Variants in TMEM117 observed in about 807,000 individuals in gnomAD.
TMEM117 encodes transmembrane protein 117.
Under a neutral mutation model 52.4 loss-of-function variants are expected in TMEM117, and 27 were observed. That is an observed-to-expected ratio of 0.51 (90% CI 0.38 to 0.71). The LOEUF (loss-of-function observed/expected upper bound fraction) is 0.71, where lower values mean the gene tolerates loss of function less well. TMEM117 is among the 30% of genes least tolerant of loss of function. The probability of loss-of-function intolerance (pLI) is 0.00; values close to 1 mark genes in which losing one functional copy is unlikely to be tolerated. For synonymous variants in TMEM117, 215 were observed against 206.3 expected (o/e 1.04, Z -0.36); for missense variants, 556 against 630.5 (o/e 0.88, Z 1.26).
rs372684628 is a variant in TMEM117 at position 44,191,485 on chromosome 12, A to G, written c.511-19805A>G. Among the ~76,000 whole-genome samples the G allele has an allele frequency of 3.9e-5, 6 of 152,222 alleles. No homozygotes were observed. The East Asian group carries it at 7.7e-4, about 20-fold the overall frequency. Reference sequence around the variant, plus strand: ...AGAATCTAAAGAATTTTAGATCTTAAAGGGTATCTGGTCTCAATAAGTTTT... The same window carrying G: ...AGAATCTAAAGAATTTTAGATCTTAGAGGGTATCTGGTCTCAATAAGTTTT... On this transcript the variant is annotated intron_variant, in intron 4 of 7. Coordinates refer to ENST00000266534, the MANE Select transcript of TMEM117 (RefSeq NM_032256.3).
At chr12:44,289,057 T>A (rs1279798175) in intron 5 of TMEM117, among the ~76,000 whole-genome samples, 1 of 152,224 alleles carries the variant, frequency 6.6e-6, no homozygotes, top group Non-Finnish European at 1.5e-5. Flanking sequence ...TCTTCTACTC[T>A]TTGCTTCTAT....
At chr12:44,317,665 A>ATAG (rs1951075001) in intron 6 of TMEM117, among the ~76,000 whole-genome samples, 2 of 152,144 alleles carry the variant, frequency 1.3e-5, no homozygotes, top group South Asian at 4.1e-4. Flanking sequence ...CTTTGCTTCT[A>ATAG]TAGCCCTATG....
chr12:44,019,175 G>A (rs557323080), intron 3 of TMEM117, among the ~76,000 whole-genome samples: 67 of 151,686 alleles, frequency 4.4e-4, no homozygotes, highest in African/African-American at 1.5e-3. Flanking sequence ...TCTGGGGTGG[G>A]GCTTTATGAT....
intron 3 of TMEM117, among the ~76,000 whole-genome samples, chr12:44,038,400 G>A (rs962262243): frequency 6.6e-6 from 1 of 152,170 alleles, no homozygotes; most frequent in Admixed American, 6.5e-5. Context: ...TCCAGTCACA[G>A]CCTCACAGGG....
intron 4 of TMEM117, among the ~76,000 whole-genome samples, chr12:44,156,832 C>T (rs113267458): frequency 1.2e-4 from 18 of 152,152 alleles, no homozygotes; most frequent in African/African-American, 4.1e-4. Flanking sequence ...TGTACATTGC[C>T]ACGAGGCAAT....
intron 2 of TMEM117, among the ~76,000 whole-genome samples, chr12:43,899,673 T>C (rs2137501569): frequency 6.6e-6 from 1 of 152,286 alleles, no homozygotes; most frequent in South Asian, 2.1e-4. Flanking sequence ...AGTTACTAAC[T>C]TTTAGCAATT....
At chr12:44,264,437 C>T (rs550227154) in intron 5 of TMEM117, among the ~76,000 whole-genome samples, 103 of 152,236 alleles carry the variant, frequency 6.8e-4, no homozygotes, top group African/African-American at 2.4e-3. Context: ...GCTCTCAGGA[C>T]ACTGGAGCCA....
intron 5 of TMEM117, among the ~76,000 whole-genome samples, chr12:44,268,024 G>C (rs1027695182): frequency 7.2e-5 from 11 of 152,110 alleles, no homozygotes; most frequent in Non-Finnish European, 1.6e-4. Flanking sequence ...CCAGTAGTGG[G>C]ATTCCTTGAC....
chr12:44,003,850 G>A (rs1434804331), intron 3 of TMEM117, among the ~76,000 whole-genome samples: 1 of 152,072 alleles, frequency 6.6e-6, no homozygotes, highest in Non-Finnish European at 1.5e-5. Flanking sequence ...TTCTGTGATG[G>A]CAAGGAAATG....
the TMEM117 span, among the ~76,000 whole-genome samples, chr12:43,809,002 C>T: frequency 1.1e-3 from 162 of 152,264 alleles, no homozygotes; most frequent in Middle Eastern, 0.031. Context: ...ACTATAACTG[C>T]AAGTCAGGTT....
intron 7 of TMEM117, among the ~76,000 whole-genome samples, chr12:44,385,908 TC>T (rs1218114432): frequency 6.6e-6 from 1 of 152,094 alleles, no homozygotes; most frequent in African/African-American, 2.4e-5. Context: ...CCCCTCAGCC[TC>T]TTTCTTCCAT....
intron 4 of TMEM117, among the ~76,000 whole-genome samples, chr12:44,204,672 T>C (rs755125947): frequency 6.6e-6 from 1 of 152,118 alleles, no homozygotes; most frequent in Non-Finnish European, 1.5e-5. Context: ...AAATCTACTG[T>C]AACCAAAACA....
intron 2 of TMEM117, among the ~76,000 whole-genome samples, chr12:43,857,499 G>GTA (rs62961660): frequency 3.9e-5 from 1 of 25,872 alleles, no homozygotes; most frequent in Non-Finnish European, 5.5e-4. Flanking sequence ...CATATACATG[G>GTA]TGCAGAGGGA....
intron 3 of TMEM117, among the ~76,000 whole-genome samples, chr12:43,968,644 G>A (rs116505378): frequency 1.6e-3 from 244 of 152,130 alleles, no homozygotes; most frequent in African/African-American, 5.4e-3. Context: ...GGAAGATTAA[G>A]TCCAGGCTAC....
chr12:43,863,351 G>A (rs766288136), intron 2 of TMEM117, among the ~76,000 whole-genome samples: 2 of 152,192 alleles, frequency 1.3e-5, no homozygotes, highest in Non-Finnish European at 2.9e-5. Flanking sequence ...GTTTAGTGAT[G>A]TTAGACTTGA....
chr12:43,926,248 G>A (rs1944777065), intron 2 of TMEM117, among the ~76,000 whole-genome samples: 2 of 152,240 alleles, frequency 1.3e-5, no homozygotes, highest in South Asian at 4.1e-4. Flanking sequence ...TAAAACATTG[G>A]CTGGCATATC....
At chr12:44,143,349 C>G (rs371358112) in intron 3 of TMEM117, among the ~76,000 whole-genome samples, 176 bp from the exon 4 acceptor site, 1 of 152,142 alleles carries the variant, frequency 6.6e-6, no homozygotes, top group East Asian at 1.9e-4. Context: ...TTGAAAATGA[C>G]CCAGACACCC....
chr12:44,065,010 A>G (rs556843124), intron 3 of TMEM117, among the ~76,000 whole-genome samples: 1 of 152,374 alleles, frequency 6.6e-6, no homozygotes, highest in East Asian at 1.9e-4. Context: ...TTGCATACAT[A>G]AAATAAAAAT....
chr12:43,885,737 T>A (rs1675756), intron 2 of TMEM117, among the ~76,000 whole-genome samples: 1 of 151,960 alleles, frequency 6.6e-6, no homozygotes, highest in Non-Finnish European at 1.5e-5. Flanking sequence ...AATTTCACCA[T>A]AATATGGTAG....
Sources: allele counts gnomAD v4.1 joint callset (sites outside exome capture counted in the v4.1 genomes callset), GRCh38; gene constraint gnomAD v4.1.1; transcripts MANE v1.5; gene names NCBI Gene and HGNC (gene_info 2026-07-23, HGNC 2026-07-21).